SH2D4B: variants seen among roughly 807,000 people sequenced by gnomAD.
SH2D4B encodes the protein SH2 domain-containing protein 4B.
In SH2D4B, 45 loss-of-function variants were observed where a neutral mutation model predicts 61.5. The observed-to-expected ratio is 0.73, with a 90% CI of 0.58 to 0.94. The LOEUF (loss-of-function observed/expected upper bound fraction) is 0.94, where lower values mean the gene tolerates loss of function less well. SH2D4B is among the 40% of genes least tolerant of loss of function. The pLI, the probability that SH2D4B is intolerant of heterozygous loss-of-function variation, is 0.00. For missense variants in SH2D4B, 572 were observed against 574.2 expected, an observed-to-expected ratio of 1.00 and a Z score of 0.04; for synonymous variants, 224 against 220.4, an observed-to-expected ratio of 1.02 and a Z score of -0.14.
At chr10:80,584,032 A>T (rs1842215096) in intron 3 of SH2D4B, among the ~76,000 whole-genome samples, 1 of 152,244 alleles carries the variant, frequency 6.6e-6, no homozygotes, top group African/African-American at 2.4e-5. Flanking sequence ...ATGATAGAAG[A>T]CAAGGAAGTC....
intron 6 of SH2D4B, among the ~76,000 whole-genome samples, chr10:80,620,551 G>T (rs569764715): frequency 1.5e-4 from 23 of 152,326 alleles, no homozygotes; most frequent in African/African-American, 5.5e-4. Context: ...TCTGGATGTG[G>T]GTTGTACCTG....
Position 80,628,455 on chromosome 10 carries a change from T to C in SH2D4B, c.989-5830T>C, listed in dbSNP as rs1275223228. Among the ~76,000 whole-genome samples, 4 of 152,186 alleles carry C rather than the reference T, an allele frequency of 2.6e-5. No homozygotes were observed. In the East Asian group the frequency reaches 7.7e-4, roughly 29 times the overall value. On this transcript the variant is annotated intron_variant, in intron 6 of 7. Transcript: ENST00000646907. Reference sequence around the variant, plus strand: ...CATGATTGTGAGGCCTCCCCAGCCATGTGGAACTGTAAGTTCGATAAACTT... The same window carrying C: ...CATGATTGTGAGGCCTCCCCAGCCACGTGGAACTGTAAGTTCGATAAACTT...
intron 6 of SH2D4B, among the ~76,000 whole-genome samples, chr10:80,619,803 GCTT>G (rs1298992686): frequency 1.3e-5 from 2 of 152,232 alleles, no homozygotes; most frequent in Non-Finnish European, 2.9e-5. Flanking sequence ...TTTAGCACCA[GCTT>G]TCAACAGGAT....
chr10:80,644,160 C>A lies in SH2D4B; in HGVS notation c.*75C>A. On this transcript the variant is annotated 3_prime_UTR_variant, in exon 8 of 8. Transcript: ENST00000646907. The stretch of plus-strand genomic sequence containing the variant: ...AGCTTAAGAACTTCTCATCTCAAAT[C>A]CTATGGCCTTCTGGAAGATCCACCA... The A allele has an allele frequency of 8.4e-7, 1 of 1,185,560 alleles. No homozygotes were observed. The highest frequency in any genetic ancestry group is 1.5e-5 in the African/African-American group (1 of 65,754). The allele number at this position is 1,185,560 out of a possible 1,614,324, so 73.4% of individuals were successfully genotyped here.
At chr10:80,643,624 T>C (rs969384986) in intron 7 of SH2D4B, among the ~76,000 whole-genome samples, 3 of 152,000 alleles carry the variant, frequency 2.0e-5, no homozygotes, top group African/African-American at 7.2e-5. Flanking sequence ...AGGAACCGTG[T>C]GCGTCTCCTC....
rs192776365 is a variant in SH2D4B, at chr10:80,596,869, C to T, written c.644-6710C>T. On this transcript the variant is annotated intron_variant, in intron 4 of 7. Coordinates refer to ENST00000646907, the MANE Select transcript of SH2D4B (RefSeq NM_001388272.1). ...GCTTGGGGGAGATGCTTGTCATCTG[C>T]ACCCAGTTAAGACTGAGGAGCAACA... is the stretch of plus-strand genomic sequence containing the variant. Among the ~76,000 whole-genome samples the T allele has an allele frequency of 5.3e-4, 81 of 152,288 alleles. 1 individual carries two copies. Among genetic ancestry groups the T allele is most frequent in the African/African-American group, 1.9e-3 (77 of 41,562 alleles).
intron 1 of SH2D4B, among the ~76,000 whole-genome samples, chr10:80,555,534 T>C (rs11186029): frequency 0.24 from 36,250 of 152,062 alleles, 5,045 homozygotes; most frequent in East Asian, 0.5. Context: ...TGCCTCTCAG[T>C]TTGAATTCCA....
intron 4 of SH2D4B, among the ~76,000 whole-genome samples, chr10:80,594,771 A>G (rs1430923990): frequency 6.6e-6 from 1 of 152,030 alleles, no homozygotes; most frequent in Non-Finnish European, 1.5e-5. Flanking sequence ...CAGTGTTTTC[A>G]TTGTTTTATG....
intron 3 of SH2D4B, among the ~76,000 whole-genome samples, chr10:80,583,310 A>C (rs1810995809): frequency 6.6e-6 from 1 of 152,214 alleles, no homozygotes; most frequent in Non-Finnish European, 1.5e-5. Flanking sequence ...TAGCTGAAAT[A>C]AAAAACTCAG....
chr10:80,572,291 A>C (rs1182699383), intron 3 of SH2D4B, among the ~76,000 whole-genome samples: 1 of 152,192 alleles, frequency 6.6e-6, no homozygotes, highest in African/African-American at 2.4e-5. Context: ...TGAGGATTCA[A>C]GGAGATGATA....
chr10:80,614,481 T>C (rs1247404586), intron 6 of SH2D4B, among the ~76,000 whole-genome samples: 2 of 152,266 alleles, frequency 1.3e-5, no homozygotes, highest in Non-Finnish European at 2.9e-5. Flanking sequence ...CTGGGGATCA[T>C]GTTTCAACAT....
intron 1 of SH2D4B, among the ~76,000 whole-genome samples, chr10:80,550,161 T>G (rs1841739489): frequency 6.6e-6 from 1 of 151,988 alleles, no homozygotes; most frequent in South Asian, 2.1e-4. Context: ...CATTCTATAC[T>G]ATGAAGGAGA....
intron 5 of SH2D4B, among the ~76,000 whole-genome samples, chr10:80,607,960 G>A (rs142515551): frequency 2.6e-5 from 4 of 152,276 alleles, no homozygotes; most frequent in East Asian, 1.9e-4. Context: ...GCAGTGGCAC[G>A]ATCTCAGCTC....
chr10:80,603,732 A>G lies in SH2D4B; in HGVS notation c.797A>G (p.Glu266Gly), dbSNP rs901827553. ...FRELGQSHEQ[E>G]ARLYHHLPDP... ...GAGCTTGGCCAGAGCCATGAGCAGG[A>G]GGCAAGACTCTACCACCACCTCCCC... is the stretch of plus-strand genomic sequence containing the variant. Residue 266 changes from glutamate to glycine, a missense_variant, in exon 5 of 8, where the codon GAG (glutamate) becomes GGG (glycine). By Grantham distance (98) the Glu-to-Gly change is moderately conservative (BLOSUM62 -2). Transcript: ENST00000646907. 6.2e-6 allele frequency: 10 copies of G among 1,613,578 alleles called. No individual in the cohort carries two copies. Among genetic ancestry groups the G allele is most frequent in the Non-Finnish European group, 8.5e-6 (10 of 1,179,964 alleles).
intron 6 of SH2D4B, among the ~76,000 whole-genome samples, chr10:80,634,033 T>A (rs1842864568): frequency 2.0e-5 from 3 of 152,224 alleles, no homozygotes; most frequent in South Asian, 2.1e-4. Context: ...GAGGAAAGCA[T>A]GCTCAACTCA....
chr10:80,553,950 G>C (rs1239758973), intron 1 of SH2D4B, among the ~76,000 whole-genome samples: 1 of 152,158 alleles, frequency 6.6e-6, no homozygotes, highest in African/African-American at 2.4e-5. Context: ...GAGTCTCTGA[G>C]CCTAAGTTTC....
rs150080964 is a variant in SH2D4B, at chr10:80,573,458, T to C, written c.495+1880T>C. 3.7e-4 allele frequency among the ~76,000 whole-genome samples: 56 copies of C among 152,298 alleles called. No individual in the cohort carries two copies. The East Asian group carries it at 8.7e-3, about 24-fold the overall frequency. On this transcript the variant is annotated intron_variant, in intron 3 of 7. Transcript: ENST00000646907. ...CATCACAAGCTTATAAAAATCTACA[T>C]TGTTTATATGTCTTTCCTGATTTTA...
intron 3 of SH2D4B, among the ~76,000 whole-genome samples, chr10:80,582,490 G>T (rs1842193678): frequency 6.6e-6 from 1 of 152,122 alleles, no homozygotes; most frequent in South Asian, 2.1e-4. Flanking sequence ...TACCCTTCTG[G>T]AACCAGGACC....
intron 5 of SH2D4B, among the ~76,000 whole-genome samples, chr10:80,606,066 C>A (rs190916299): frequency 6.6e-6 from 1 of 152,180 alleles, no homozygotes; most frequent in East Asian, 1.9e-4. Flanking sequence ...GAGGGCCCTC[C>A]TACCAGCCTC....
Sources: gnomAD v4.1 joint callset for allele counts (sites outside exome capture counted in the v4.1 genomes callset) on GRCh38, gnomAD v4.1.1 for gene constraint, MANE v1.5 for transcripts, NCBI Gene and HGNC (gene_info 2026-07-23, HGNC 2026-07-21) for gene names.